The following CNGB3 variants were observed in gnomAD, a reference collection of about 807,000 sequenced individuals.
CNGB3 encodes cyclic nucleotide-gated channel beta-3.
In CNGB3, 86 loss-of-function variants were observed where a neutral mutation model predicts 92.8. The observed-to-expected ratio is 0.93, with a 90% CI of 0.78 to 1.11. The LOEUF is 1.11. Among genes scored for constraint, CNGB3 ranks in the 50% least tolerant of loss-of-function variants. CNGB3 has a pLI of 0.00. For synonymous variants in CNGB3, 333 were observed against 332.7 expected, an observed-to-expected ratio of 1.00 and a Z score of -0.01; for missense variants, 1,026 against 956.8, an observed-to-expected ratio of 1.07 and a Z score of -0.95.
chr8:86,696,069 T>C (rs1453196801), intron 3 of CNGB3, among the ~76,000 whole-genome samples: 1 of 152,182 alleles, frequency 6.6e-6, no homozygotes, highest in Non-Finnish European at 1.5e-5. Flanking sequence ...TAAAAGGGAC[T>C]CTATGGGAGT....
At chr8:86,635,350 G>A (rs923908192) in intron 10 of CNGB3, among the ~76,000 whole-genome samples, 3 of 151,900 alleles carry the variant, frequency 2.0e-5, no homozygotes, top group Non-Finnish European at 4.4e-5. Flanking sequence ...ATAAGTGTTG[G>A]GATTACTTCC....
At chr8:86,593,075 T>TC (rs1324032239) in intron 15 of CNGB3, among the ~76,000 whole-genome samples, 1 of 152,166 alleles carries the variant, frequency 6.6e-6, no homozygotes, top group African/African-American at 2.4e-5. Flanking sequence ...CCTAGATTTT[T>TC]TTTCTGTAAA....
intron 3 of CNGB3, among the ~76,000 whole-genome samples, chr8:86,677,216 C>G (rs1823993701): frequency 6.6e-6 from 1 of 152,214 alleles, no homozygotes; most frequent in African/African-American, 2.4e-5. Context: ...AAATAAATAT[C>G]TGTTGTTTTA....
intron 13 of CNGB3, among the ~76,000 whole-genome samples, chr8:86,622,441 G>A (rs1039057122): frequency 4.0e-5 from 6 of 150,656 alleles, no homozygotes; most frequent in African/African-American, 1.5e-4. Flanking sequence ...GATCTTAAGG[G>A]ACAGTTGGAT....
intron 15 of CNGB3, among the ~76,000 whole-genome samples, chr8:86,588,626 A>G (rs1304439315): frequency 6.6e-6 from 1 of 150,790 alleles, no homozygotes; most frequent in Non-Finnish European, 1.5e-5. Context: ...CTCTGTTTAT[A>G]TGCTGGATTA....
intron 8 of CNGB3, among the ~76,000 whole-genome samples, chr8:86,647,579 T>C (rs1164380839): frequency 6.6e-6 from 1 of 150,916 alleles, no homozygotes; most frequent in Non-Finnish European, 1.5e-5. Flanking sequence ...TTATGAGATA[T>C]GAAATAAAAA....
In CNGB3 at chr8:86,579,189, A is replaced by T. The variant is rs564189566; in HGVS notation, c.1845T>A (p.Asn615Lys). Residue 615 changes from asparagine (N) to lysine (K), a missense_variant, in exon 16 of 18, where the codon AAT (asparagine) becomes AAA (lysine). Coordinates refer to ENST00000320005, the MANE Select transcript of CNGB3 (RefSeq NM_019098.5). The part of the protein sequence containing the change: ...TANVVAHGFA[N>K]LLTLDKKTLQ... ...GGGTCTTTTTGTCTAGAGTTAAAAGATTGGCAAACCCGTGGGCCACCACAT... is the reference window on the plus strand; with the variant it reads ...GGGTCTTTTTGTCTAGAGTTAAAAGTTTGGCAAACCCGTGGGCCACCACAT... The T allele has an allele frequency of 1.2e-6, 2 of 1,614,168 alleles. No individual in the cohort carries two copies. Among genetic ancestry groups the T allele is most frequent in the South Asian group, 2.2e-5 (2 of 91,082 alleles).
rs1237101867 is a variant in CNGB3, at chr8:86,694,207, G to A, written c.339-23109C>T. Among the ~76,000 whole-genome samples, 5 of 147,346 alleles carry A rather than the reference G, an allele frequency of 3.4e-5. 1 individual carries two copies. Among genetic ancestry groups the A allele is most frequent in the South Asian group, 2.2e-4 (1 of 4,616 alleles). On this transcript the variant is annotated intron_variant, in intron 3 of 17. Transcript: ENST00000320005. ...CCCCCACCTCCCTCCCGGACGGGGC[G>A]GCTGGCCGGGCGGGGGGCTGACCCC...
At chr8:86,714,819 C>A (rs1229567601) in intron 3 of CNGB3, among the ~76,000 whole-genome samples, 1 of 152,122 alleles carries the variant, frequency 6.6e-6, no homozygotes, top group Non-Finnish European at 1.5e-5. Flanking sequence ...GGGAGTGAGA[C>A]CAGCCCTTAG....
Position 86,604,231 on chromosome 8 carries a change from A to G in CNGB3, c.1663-20T>C, listed in dbSNP as rs775161483. The G allele has an allele frequency of 2.1e-6, 3 of 1,413,320 alleles. No individual in the cohort carries two copies. In the African/African-American group the frequency reaches 4.2e-5, roughly 20 times the overall value. 87.5% of individuals were successfully genotyped at this position (1,413,320 alleles called of 1,614,324 possible). A position where few individuals can be genotyped will look rare whatever the true frequency, so the allele number is the denominator to read the frequency against. ...TTCTCCCTACATTTTAAATATAAAG[A>G]GGAAATGGTAGTTACTTTATTCTTG... On this transcript the variant is annotated intron_variant, in intron 14 of 17. Transcript: ENST00000320005.
At chr8:86,656,723 AC>A (rs554206482) in intron 6 of CNGB3, among the ~76,000 whole-genome samples, 1 of 151,548 alleles carries the variant, frequency 6.6e-6, no homozygotes, top group East Asian at 1.9e-4. Flanking sequence ...TTCTGCTCCC[AC>A]CCCCCCAACC....
intron 15 of CNGB3, among the ~76,000 whole-genome samples, chr8:86,595,297 G>T (rs1394092448): frequency 1.3e-5 from 2 of 152,208 alleles, no homozygotes; most frequent in Non-Finnish European, 1.5e-5. Flanking sequence ...ACATGTCAAG[G>T]TATGACTCTC....
chr8:86,588,698 A>T (rs1426640050), intron 15 of CNGB3, among the ~76,000 whole-genome samples: 2 of 148,860 alleles, frequency 1.3e-5, no homozygotes, highest in African/African-American at 2.5e-5. Flanking sequence ...CCACTTGATC[A>T]TGGTGGATAA....
intron 6 of CNGB3, chr8:86,661,644 T>C: frequency 1.2e-6 from 1 of 835,290 alleles, no homozygotes; most frequent in Non-Finnish European, 2.1e-6. Context: ...TTACAGTGAT[T>C]TAAGTATTTT....
At chr8:86,668,632 T>C (rs1391921107) in intron 4 of CNGB3, among the ~76,000 whole-genome samples, 2 of 149,466 alleles carry the variant, frequency 1.3e-5, no homozygotes, top group African/African-American at 4.9e-5. Context: ...AAAAAATACG[T>C]CAATGTAAAA....
At position 86,575,672 on chromosome 8, in the gene CNGB3, A is replaced by C; in HGVS notation, c.*132T>G. 1.4e-6 allele frequency: 1 copy of C among 708,292 alleles called. No individual in the cohort carries two copies. Among genetic ancestry groups the C allele is most frequent in the Non-Finnish European group, 2.4e-6 (1 of 421,812 alleles). 43.9% of individuals were successfully genotyped at this position (708,292 alleles called of 1,614,324 possible). A position where few individuals can be genotyped will look rare whatever the true frequency, so the allele number is the denominator to read the frequency against. On this transcript the variant is annotated 3_prime_UTR_variant, in exon 18 of 18. Coordinates refer to ENST00000320005, the MANE Select transcript of CNGB3 (RefSeq NM_019098.5). ...ATCACACTCTCAGATAAGTCCTAGA[A>C]ACTAAGCTAGGGATTTGCCTTTCGT...
intron 15 of CNGB3, among the ~76,000 whole-genome samples, chr8:86,585,162 T>C (rs890870380): frequency 2.0e-5 from 3 of 152,146 alleles, no homozygotes; most frequent in African/African-American, 7.2e-5. Context: ...GGAGAAATGG[T>C]GTATTCAGGG....
At chr8:86,595,938 T>C (rs1822163560) in intron 15 of CNGB3, among the ~76,000 whole-genome samples, 1 of 152,150 alleles carries the variant, frequency 6.6e-6, no homozygotes, top group South Asian at 2.1e-4. Context: ...ATTTGACTAA[T>C]GTAATAGGGG....
At chr8:86,637,512 T>C (rs1413287327) in intron 10 of CNGB3, among the ~76,000 whole-genome samples, 2 of 152,158 alleles carry the variant, frequency 1.3e-5, no homozygotes, top group African/African-American at 2.4e-5. Context: ...GAGATTTTGA[T>C]AGGGATTGCA....
Sources: gnomAD v4.1 joint callset for allele counts (sites outside exome capture counted in the v4.1 genomes callset) on GRCh38, gnomAD v4.1.1 for gene constraint, MANE v1.5 for transcripts, NCBI Gene and HGNC (gene_info 2026-07-23, HGNC 2026-07-21) for gene names.